Variants in NCOA6 observed in about 807,000 individuals in gnomAD.
The protein encoded by NCOA6 is nuclear receptor coactivator 6.
A neutral mutation model predicts 171.4 loss-of-function variants in NCOA6; 49 were observed. That is an observed-to-expected ratio of 0.29 (90% CI 0.23 to 0.36). The LOEUF (loss-of-function observed/expected upper bound fraction) is 0.36. Ranked by LOEUF, NCOA6 falls within the 10% of genes least tolerant of loss-of-function variation. The probability of loss-of-function intolerance (pLI) is 1.00; values close to 1 mark genes in which losing one functional copy is unlikely to be tolerated. For missense variants in NCOA6, 2,248 were observed against 2,554.5 expected (o/e 0.88, Z 2.59); for synonymous variants, 910 against 927.5 (o/e 0.98, Z 0.34).
In NCOA6 at chr20:34,757,380, C is replaced by A. The variant is rs774494173; in HGVS notation, c.1368G>T (p.Arg456Ser). 4.6e-5 allele frequency: 75 copies of A among 1,613,918 alleles called. No individual in the cohort carries two copies. The highest frequency in any genetic ancestry group is 1.1e-4 in the African/African-American group (8 of 74,904). ...GGGGAAGTGGGTTATTTTGAGGTGG[C>A]CTTGGTCCCATCTGCTGCTGAGTTT... is the stretch of plus-strand genomic sequence containing the variant. ...VNQTQQQMGP[R>S]PPQNNPLPQG... Residue 456 changes from arginine to serine, a missense_variant, in exon 7 of 15, where the codon AGG becomes AGT. Physicochemically the swap from Arg to Ser is moderately radical, Grantham distance 110 (BLOSUM62 -1). Transcript: ENST00000359003.
chr20:34,765,630 G>A (rs750996923), intron 5 of NCOA6, among the ~76,000 whole-genome samples: 4 of 152,086 alleles, frequency 2.6e-5, no homozygotes, highest in Non-Finnish European at 5.9e-5. Context: ...GGGACATTTG[G>A]TAATGTCTGG....
At chr20:34,768,254 A>C (rs2077038677) in intron 5 of NCOA6, among the ~76,000 whole-genome samples, 1 of 152,202 alleles carries the variant, frequency 6.6e-6, no homozygotes, top group Non-Finnish European at 1.5e-5. Flanking sequence ...AGTGTTCATC[A>C]ACCTTTAAGC....
intron 11 of NCOA6, among the ~76,000 whole-genome samples, chr20:34,738,640 CAG>C (rs2076031199): frequency 6.6e-6 from 1 of 152,236 alleles, no homozygotes; most frequent in Non-Finnish European, 1.5e-5. Flanking sequence ...GGTGAAGAGG[CAG>C]AGAGAAGGGG....
intron 1 of NCOA6, among the ~76,000 whole-genome samples, chr20:34,794,199 C>T (rs182998787): frequency 1.1e-3 from 163 of 152,224 alleles, no homozygotes; most frequent in South Asian, 2.9e-3. Flanking sequence ...GACAGGAGGA[C>T]TACTTGAGGC....
intron 4 of NCOA6, among the ~76,000 whole-genome samples, chr20:34,775,117 G>A (rs1351168607): frequency 6.6e-6 from 1 of 152,190 alleles, no homozygotes; most frequent in East Asian, 1.9e-4. Context: ...GCAGGAGGAA[G>A]AGAAAGCTGA....
Position 34,754,747 on chromosome 20 carries a change from T to C in NCOA6, c.1650A>G (p.Gln550=). 1 of 1,614,206 alleles carries C rather than the reference T, an allele frequency of 6.2e-7. No homozygotes were observed. The highest frequency in any genetic ancestry group is 8.5e-7 in the Non-Finnish European group (1 of 1,180,034). The change falls in exon 8 of 15, where the codon CAA becomes CAG. Residue 550 remains glutamine, a synonymous_variant. Transcript: ENST00000359003. ...TPGNSGAPQL[Q]ANQNVQHAGG... Reference sequence around the variant, plus strand: ...CTGCATGCTGGACATTTTGATTTGCTTGCAGCTGAGGGGCTCCTGAATTCC... The same window carrying C: ...CTGCATGCTGGACATTTTGATTTGCCTGCAGCTGAGGGGCTCCTGAATTCC...
intron 14 of NCOA6, among the ~76,000 whole-genome samples, chr20:34,723,130 A>C (rs750803644): frequency 5.9e-5 from 9 of 152,218 alleles, no homozygotes; most frequent in Non-Finnish European, 1.3e-4. Context: ...GGGTTCATGG[A>C]AACTCCAATT....
At chr20:34,789,564 G>C (rs1019672563) in intron 2 of NCOA6, among the ~76,000 whole-genome samples, 3 of 152,160 alleles carry the variant, frequency 2.0e-5, no homozygotes, top group Non-Finnish European at 4.4e-5. Flanking sequence ...CTTGAGCTCA[G>C]GCTTTTGAGA....
intron 1 of NCOA6, among the ~76,000 whole-genome samples, chr20:34,812,759 T>C (rs1440283852): frequency 6.6e-6 from 1 of 152,200 alleles, no homozygotes; most frequent in African/African-American, 2.4e-5. Context: ...CTCACGCCTG[T>C]AATCCCAGCA....
At chr20:34,800,858 A>T (rs182293309) in intron 1 of NCOA6, among the ~76,000 whole-genome samples, 73 of 152,322 alleles carry the variant, frequency 4.8e-4, no homozygotes, top group African/African-American at 1.7e-3. Flanking sequence ...TACAGACTAC[A>T]TGAACTTAAT....
chr20:34,740,960 A>C lies in NCOA6; in HGVS notation c.5296T>G (p.Leu1766Val), dbSNP rs759936275. ...TGAGGGCTAGCCTCATCTGGATTCA[A>C]TTCTTTCACTTGCTGCACAGGGGGA... is the stretch of plus-strand genomic sequence containing the variant. ...SHPPVQQVKE[L>V]NPDEASPQVN... Residue 1766 changes from leucine (L) to valine (V), a missense_variant, in exon 11 of 15, where the codon TTG (leucine) becomes GTG (valine). Physicochemically the swap from Leu to Val is conservative, Grantham distance 32. Coordinates refer to ENST00000359003, the MANE Select transcript of NCOA6 (RefSeq NM_014071.5). 9.3e-6 allele frequency: 15 copies of C among 1,614,070 alleles called. No homozygotes were observed. The South Asian group carries it at 1.6e-4, about 18-fold the overall frequency.
intron 2 of NCOA6, among the ~76,000 whole-genome samples, chr20:34,789,642 G>A (rs983815132): frequency 2.0e-5 from 3 of 152,024 alleles, no homozygotes; most frequent in African/African-American, 4.8e-5. Flanking sequence ...GCCTGGTGGT[G>A]TGTGCCTGTA....
At chr20:34,735,402 T>C (rs2075920895) in intron 12 of NCOA6, among the ~76,000 whole-genome samples, 1 of 151,982 alleles carries the variant, frequency 6.6e-6, no homozygotes, top group African/African-American at 2.4e-5. Context: ...TCCCAGCACT[T>C]TGGGAGGACG....
intron 13 of NCOA6, among the ~76,000 whole-genome samples, chr20:34,731,258 G>C (rs1990578426): frequency 6.6e-6 from 1 of 150,576 alleles, no homozygotes; most frequent in Non-Finnish European, 1.5e-5. Flanking sequence ...GACCTCAAAT[G>C]ATCTGCCTGC....
intron 4 of NCOA6, among the ~76,000 whole-genome samples, chr20:34,768,870 A>G (rs1302342829): frequency 6.6e-6 from 1 of 151,750 alleles, no homozygotes; most frequent in Non-Finnish European, 1.5e-5. Context: ...CTGAATATTT[A>G]TTTTCAACCA....
intron 10 of NCOA6, among the ~76,000 whole-genome samples, chr20:34,744,071 G>A (rs1411785358): frequency 6.6e-6 from 1 of 152,150 alleles, no homozygotes; most frequent in African/African-American, 2.4e-5. Context: ...TATACACATT[G>A]AAAATAAAAT....
intron 2 of NCOA6, among the ~76,000 whole-genome samples, chr20:34,791,413 A>T (rs939437365): frequency 9.2e-5 from 14 of 152,328 alleles, no homozygotes; most frequent in African/African-American, 3.1e-4. Flanking sequence ...ATAGAAGAGT[A>T]GCTGCTTGTG....
intron 1 of NCOA6, among the ~76,000 whole-genome samples, chr20:34,796,157 C>A (rs1390928290): frequency 1.3e-5 from 2 of 151,598 alleles, no homozygotes; most frequent in African/African-American, 4.8e-5. Flanking sequence ...TACAGGTGCA[C>A]AACCACCATG....
At chr20:34,780,610 A>G (rs1419544109) in intron 3 of NCOA6, among the ~76,000 whole-genome samples, 1 of 151,734 alleles carries the variant, frequency 6.6e-6, no homozygotes, top group African/African-American at 2.4e-5. Flanking sequence ...TCGACCTCCC[A>G]AAGTGCTGGG....
Sources: gnomAD v4.1 joint callset for allele counts (sites outside exome capture counted in the v4.1 genomes callset) on GRCh38, gnomAD v4.1.1 for gene constraint, MANE v1.5 for transcripts, NCBI Gene and HGNC (gene_info 2026-07-23, HGNC 2026-07-21) for gene names.